TYW1: variants seen among roughly 807,000 people sequenced by gnomAD.
The protein encoded by TYW1 is S-adenosyl-L-methionine-dependent tRNA 4-demethylwyosine synthase TYW1.
Under a neutral mutation model 96.2 loss-of-function variants are expected in TYW1, and 46 were observed. The observed-to-expected ratio is 0.48, with a 90% confidence interval of 0.38 to 0.61. TYW1 has a LOEUF of 0.61. Ranked by LOEUF, TYW1 falls within the 20% of genes least tolerant of loss-of-function variation. The pLI is 0.00. For synonymous variants in TYW1, 274 were observed against 323.0 expected (o/e 0.85, Z 1.63); for missense variants, 684 against 909.6 (o/e 0.75, Z 3.19).
intron 15 of TYW1, among the ~76,000 whole-genome samples, chr7:67,218,274 C>A (rs1271027452): frequency 6.6e-6 from 1 of 151,904 alleles, no homozygotes; most frequent in Non-Finnish European, 1.5e-5. Context: ...ACAAGTCTTT[C>A]ATCTCTTTGG....
chr7:67,229,178 ATAG>A (rs1341461426), intron 15 of TYW1, among the ~76,000 whole-genome samples: 1 of 152,160 alleles, frequency 6.6e-6, no homozygotes. Flanking sequence ...TAATTAACAG[ATAG>A]TAGGCTTTTC....
At chr7:67,093,008 T>TA (rs892104448) in intron 11 of TYW1, among the ~76,000 whole-genome samples, 2 of 151,304 alleles carry the variant, frequency 1.3e-5, no homozygotes, top group East Asian at 3.9e-4. Context: ...ACCAAAAATT[T>TA]AAAAAAAAAT....
chr7:67,065,871 C>T (rs990302520), intron 9 of TYW1, among the ~76,000 whole-genome samples: 15 of 151,868 alleles, frequency 9.9e-5, no homozygotes, highest in Admixed American at 2.6e-4. Context: ...ACTAGCTGGG[C>T]GTGGTGCCGC....
chr7:67,008,738 C>G (rs1365949826), intron 3 of TYW1, among the ~76,000 whole-genome samples: 2 of 152,190 alleles, frequency 1.3e-5, no homozygotes, highest in African/African-American at 4.8e-5. Flanking sequence ...TCTTGGCTCA[C>G]TGCAACCTCC....
chr7:67,080,318 A>G (rs555208265), intron 10 of TYW1, among the ~76,000 whole-genome samples: 2 of 152,164 alleles, frequency 1.3e-5, no homozygotes, highest in African/African-American at 2.4e-5. Context: ...TTATCATTAT[A>G]CAGTGACCTT....
At chr7:67,158,949 A>C (rs1799072225) in intron 13 of TYW1, among the ~76,000 whole-genome samples, 1 of 151,958 alleles carries the variant, frequency 6.6e-6, no homozygotes, top group Non-Finnish European at 1.5e-5. Context: ...TTGTTAATGT[A>C]ATTTTATTTT....
At chr7:67,068,887 C>G (rs1795952900) in intron 10 of TYW1, among the ~76,000 whole-genome samples, 1 of 152,212 alleles carries the variant, frequency 6.6e-6, no homozygotes, top group African/African-American at 2.4e-5. Context: ...TATTAGCCAT[C>G]TAATGGCCCA....
intron 13 of TYW1, among the ~76,000 whole-genome samples, chr7:67,182,579 G>T (rs1399522879): frequency 3.9e-5 from 6 of 152,020 alleles, no homozygotes; most frequent in Non-Finnish European, 5.9e-5. Flanking sequence ...AAGAAGAAAA[G>T]AAAGCAAGCC....
rs190821380 is a variant in TYW1, at chr7:67,008,658, C to A, written c.274-925C>A. 9.7e-4 allele frequency among the ~76,000 whole-genome samples: 147 copies of A among 152,200 alleles called. 1 individual carries two copies. The highest frequency in any genetic ancestry group is 4.5e-3 in the Admixed American group (68 of 15,274). ...CCATTCTTTTCACTCTTCACTCTTTCTTTTATTTTATTTATTTATTTATTT... is the reference window on the plus strand; with the variant it reads ...CCATTCTTTTCACTCTTCACTCTTTATTTTATTTTATTTATTTATTTATTT... On this transcript the variant is annotated intron_variant, in intron 3 of 15. Coordinates refer to ENST00000359626, the MANE Select transcript of TYW1 (RefSeq NM_018264.4).
chr7:67,144,321 C>A (rs1276158815), intron 13 of TYW1, among the ~76,000 whole-genome samples: 2 of 152,194 alleles, frequency 1.3e-5, no homozygotes, highest in African/African-American at 4.8e-5. Context: ...TGGCAAGCCA[C>A]AAGGGAATAG....
chr7:67,115,945 G>C (rs1797580566), intron 12 of TYW1, among the ~76,000 whole-genome samples: 1 of 152,094 alleles, frequency 6.6e-6, no homozygotes, highest in Admixed American at 6.6e-5. Flanking sequence ...ATGATTAAGG[G>C]GGAATTTGTT....
intron 9 of TYW1, among the ~76,000 whole-genome samples, chr7:67,062,604 G>GT (rs1219471482): frequency 7.5e-6 from 1 of 133,864 alleles, no homozygotes; most frequent in Non-Finnish European, 1.6e-5. Flanking sequence ...CAAATCATCA[G>GT]TATCAGGAAT....
intron 13 of TYW1, among the ~76,000 whole-genome samples, chr7:67,136,932 C>T (rs959043028): frequency 5.3e-5 from 8 of 151,906 alleles, no homozygotes; most frequent in African/African-American, 1.9e-4. Flanking sequence ...AAGCAATTCT[C>T]CTGCCTCAGC....
intron 5 of TYW1, 76 bp from the exon 6 acceptor site, chr7:67,017,777 T>A: frequency 6.5e-7 from 1 of 1,531,000 alleles, no homozygotes; most frequent in Non-Finnish European, 8.8e-7. Flanking sequence ...GGAAGGACTT[T>A]GGGCTTTTGC....
chr7:67,097,783 C>G (rs981390570), intron 11 of TYW1, among the ~76,000 whole-genome samples: 2 of 151,930 alleles, frequency 1.3e-5, no homozygotes, highest in Non-Finnish European at 2.9e-5. Flanking sequence ...GCCTCAATCT[C>G]CCAGACTCAA....
chr7:67,222,294 T>G (rs1196155465), intron 15 of TYW1, among the ~76,000 whole-genome samples: 1 of 152,328 alleles, frequency 6.6e-6, no homozygotes, highest in South Asian at 2.1e-4. Context: ...ACTATGATCT[T>G]TACTTCTTCA....
At chr7:67,181,189 T>C (rs1469415348) in intron 13 of TYW1, among the ~76,000 whole-genome samples, 1 of 152,214 alleles carries the variant, frequency 6.6e-6, no homozygotes, top group Non-Finnish European at 1.5e-5. Flanking sequence ...ATTGTATTAC[T>C]GTATAGCCTA....
intron 10 of TYW1, among the ~76,000 whole-genome samples, chr7:67,068,728 C>T (rs1795948018): frequency 6.6e-6 from 1 of 152,218 alleles, no homozygotes; most frequent in Admixed American, 6.5e-5. Context: ...CATCTCCAGT[C>T]TCAGTCTCTT....
intron 15 of TYW1, among the ~76,000 whole-genome samples, chr7:67,235,911 G>A (rs28620838): frequency 0.024 from 1,985 of 82,424 alleles, 24 homozygotes; most frequent in Middle Eastern, 0.059. Context: ...AAAAAAAAAA[G>A]AAAAAGAGGT....
Sources: allele counts gnomAD v4.1 joint callset (sites outside exome capture counted in the v4.1 genomes callset), GRCh38; gene constraint gnomAD v4.1.1; transcripts MANE v1.5; gene names NCBI Gene and HGNC (gene_info 2026-07-23, HGNC 2026-07-21).